The following CLASRP variants were observed in gnomAD, a reference collection of about 807,000 sequenced individuals.
CLASRP encodes CLK4-associating serine/arginine rich protein.
A neutral mutation model predicts 99.9 loss-of-function variants in CLASRP; 52 were observed. That is an observed-to-expected ratio of 0.52 (90% confidence interval 0.42 to 0.66). CLASRP has a LOEUF of 0.66. Among genes scored for constraint, CLASRP ranks in the 30% least tolerant of loss-of-function variants. CLASRP has a pLI of 0.00. For synonymous variants in CLASRP, 379 were observed against 373.0 expected (o/e 1.02, Z -0.18); for missense variants, 848 against 999.2 (o/e 0.85, Z 2.04).
intron 13 of CLASRP, among the ~76,000 whole-genome samples, chr19:45,066,963 A>C (rs1012026166): frequency 1.4e-4 from 20 of 145,150 alleles, no homozygotes; most frequent in Non-Finnish European, 2.9e-4. Flanking sequence ...GGTGTAGATG[A>C]GGTCACCGTG....
chr19:45,067,273 G>A lies in CLASRP; in HGVS notation c.1410-64G>A, dbSNP rs188883880. ...AAGGAGGACTGTGGATCCGGACCCA[G>A]GGTGGGGTGCGGTTGGGGTCCCTGG... On this transcript the variant is annotated intron_variant, in intron 13 of 20. Coordinates refer to ENST00000221455, the MANE Select transcript of CLASRP (RefSeq NM_007056.3). This position sits in a 1 kb window ranked among gnomAD's most constrained non-coding sequence, Gnocchi z 4.9. The A allele has an allele frequency of 7.3e-4, 1,050 of 1,442,112 alleles. 19 individuals are homozygous for A. In the African/African-American group the frequency reaches 0.014, roughly 19 times the overall value. The allele number at this position is 1,442,112 out of a possible 1,614,324, so 89.3% of individuals were successfully genotyped here.
chr19:45,070,619 G>C, intron 20 of CLASRP, 58 bp downstream of exon 20: 1 of 1,516,416 alleles, frequency 6.6e-7, no homozygotes, highest in Non-Finnish European at 9.2e-7. Context: ...TTTGATGGGA[G>C]GTCCTGGCTG....
chr19:45,048,090 A>T (rs554254132), intron 2 of CLASRP, among the ~76,000 whole-genome samples: 1 of 151,952 alleles, frequency 6.6e-6, no homozygotes, highest in East Asian at 2.0e-4. Context: ...ACAAACAAAC[A>T]AAAAATTACT....
intron 20 of CLASRP, 98 bp from the exon 21 acceptor site, chr19:45,070,705 T>A: frequency 7.6e-7 from 1 of 1,320,360 alleles, no homozygotes; most frequent in East Asian, 2.3e-5. Flanking sequence ...CATCCTTCCC[T>A]CCACAGACAA....
At chr19:45,061,062 G>C (rs1966928307) in intron 10 of CLASRP, among the ~76,000 whole-genome samples, 1 of 152,198 alleles carries the variant, frequency 6.6e-6, no homozygotes, top group Non-Finnish European at 1.5e-5. Flanking sequence ...TGGAGAGAGG[G>C]CTGGGCAGTC....
In CLASRP at chr19:45,069,266, C is replaced by T. The variant is rs1001087642; in HGVS notation, c.1874+18C>T. The T allele has an allele frequency of 1.2e-6, 2 of 1,612,170 alleles. No homozygotes were observed. Among genetic ancestry groups the T allele is most frequent in the Non-Finnish European group, 8.5e-7 (1 of 1,179,702 alleles). Reference sequence around the variant, plus strand: ...CGCATGAAGTAAGACCTTGCCCCTCCCTGTCCCATGGCCACACCTCCTGGC... The same window carrying T: ...CGCATGAAGTAAGACCTTGCCCCTCTCTGTCCCATGGCCACACCTCCTGGC... On this transcript the variant is annotated intron_variant, in intron 18 of 20. Transcript: ENST00000221455.
chr19:45,066,741 G>A (rs1170611826), intron 13 of CLASRP, among the ~76,000 whole-genome samples: 1 of 151,962 alleles, frequency 6.6e-6, no homozygotes, highest in East Asian at 1.9e-4. Flanking sequence ...AGAAAGGCTT[G>A]GGGGACAGGT....
chr19:45,060,566 C>T lies in CLASRP; in HGVS notation c.802C>T (p.Arg268Ter). 4 of 1,613,152 alleles carry T rather than the reference C, an allele frequency of 2.5e-6. No homozygotes were observed. Among genetic ancestry groups the T allele is most frequent in the Non-Finnish European group, 3.4e-6 (4 of 1,179,656 alleles). Residue 268 changes from arginine to a stop codon, truncating the protein, a stop_gained, in exon 10 of 21, where the codon CGA becomes TGA. Transcript: ENST00000221455. LOFTEE classifies it high-confidence loss of function. This position sits in a 1 kb window ranked among gnomAD's most constrained non-coding sequence, Gnocchi z 4.6. ...EKAMYSGRRS[R>*]RQRREFREKR... ...CACCCTACTCCAGGGACGCCGCTCT[C>T]GACGCCAGCGGAGAGAGTTTCGGGA... is the stretch of plus-strand genomic sequence containing the variant.
intron 19 of CLASRP, among the ~76,000 whole-genome samples, 168 bp from the exon 20 acceptor site, chr19:45,070,369 C>T (rs953445233): frequency 7.9e-5 from 12 of 152,152 alleles, no homozygotes; most frequent in East Asian, 3.8e-4. Context: ...GTGCTCATTC[C>T]GGCATGGGCT....
At chr19:45,054,207 T>C (rs1207004045) in intron 5 of CLASRP, among the ~76,000 whole-genome samples, 2 of 152,188 alleles carry the variant, frequency 1.3e-5, no homozygotes, top group African/African-American at 2.4e-5. Context: ...TATCATTACA[T>C]CTGCACAACC....
intron 19 of CLASRP, 145 bp downstream of exon 19, chr19:45,070,249 TC>T (rs1967206426): frequency 1.5e-6 from 1 of 675,176 alleles, no homozygotes; most frequent in Non-Finnish European, 2.7e-6. Context: ...GGTGGATCAA[TC>T]ACCTGAGGTC....
chr19:45,069,620 C>T (rs1303788641), intron 18 of CLASRP: 2 of 465,474 alleles, frequency 4.3e-6, no homozygotes, highest in Non-Finnish European at 7.9e-6. Context: ...GATACAGTCA[C>T]TGTCCCACCT....
At chr19:45,068,314 C>G (rs2085922977) in intron 15 of CLASRP, 106 bp from the exon 16 acceptor site, 4 of 628,836 alleles carry the variant, frequency 6.4e-6, no homozygotes, top group South Asian at 3.7e-5. Flanking sequence ...GTCGTTCTCC[C>G]CCCCCCACCC....
Position 45,060,366 on chromosome 19 carries a change from C to T in CLASRP, c.711-23C>T. The T allele has an allele frequency of 6.2e-7, 1 of 1,611,458 alleles. No individual in the cohort carries two copies. The highest frequency in any genetic ancestry group is 8.5e-7 in the Non-Finnish European group (1 of 1,177,568). On this transcript the variant is annotated intron_variant, in intron 8 of 20. Coordinates refer to ENST00000221455, the MANE Select transcript of CLASRP (RefSeq NM_007056.3). The surrounding 1 kb of genome is among the most constrained non-coding windows in gnomAD (Gnocchi z 4.6). ...CCTGTGGCCTGCCCCATCCTCCACC[C>T]TAATTCTCACCCACCTCTATAGGAT... is the stretch of plus-strand genomic sequence containing the variant.
chr19:45,050,029 A>T (rs1971992255), intron 2 of CLASRP, among the ~76,000 whole-genome samples: 1 of 152,028 alleles, frequency 6.6e-6, no homozygotes, highest in Non-Finnish European at 1.5e-5. Flanking sequence ...TTAGGAGGAG[A>T]TCTGAAATAA....
Position 45,067,545 on chromosome 19 carries a change from A to G in CLASRP, c.1618A>G (p.Lys540Glu). 6.2e-7 allele frequency: 1 copy of G among 1,605,428 alleles called. No homozygotes were observed. The highest frequency in any genetic ancestry group is 8.5e-7 in the Non-Finnish European group (1 of 1,178,864). ...QSPSPSPARE[K>E]LTRPAASPAV... ...CCCCTCGCCATCACCCGCAAGAGAG[A>G]AGCTGACCAGGCCGGCCGCGTCCCC... The change falls in exon 14 of 21, where the codon AAG (lysine) becomes GAG (glutamate). Residue 540 changes from lysine to glutamate, a missense_variant. Transcript: ENST00000221455. This position sits in a 1 kb window ranked among gnomAD's most constrained non-coding sequence, Gnocchi z 4.9.
chr19:45,050,407 A>G (rs1175459659), intron 2 of CLASRP, among the ~76,000 whole-genome samples: 2 of 152,214 alleles, frequency 1.3e-5, no homozygotes, highest in African/African-American at 4.8e-5. Flanking sequence ...GTAGTAGGCC[A>G]GGCATAGTGG....
intron 2 of CLASRP, among the ~76,000 whole-genome samples, chr19:45,048,007 G>A (rs150298107): frequency 0.013 from 1,939 of 151,712 alleles, 25 homozygotes; most frequent in Non-Finnish European, 0.021. Context: ...CCTGGGAGGC[G>A]GAGGTTGCAG....
chr19:45,051,138 C>T (rs1449478705), intron 2 of CLASRP, among the ~76,000 whole-genome samples: 1 of 151,844 alleles, frequency 6.6e-6, no homozygotes, highest in Non-Finnish European at 1.5e-5. Flanking sequence ...TTCCCATGTG[C>T]GGATGCAGTC....
Sources: gnomAD v4.1 joint callset for allele counts (sites outside exome capture counted in the v4.1 genomes callset) on GRCh38, gnomAD v4.1.1 for gene constraint, Gnocchi (gnomAD v3.1) non-coding constraint, MANE v1.5 for transcripts, NCBI Gene and HGNC (gene_info 2026-07-23, HGNC 2026-07-21) for gene names.